ITPK1: variants seen among roughly 807,000 people sequenced by gnomAD.
ITPK1 encodes the protein inositol-tetrakisphosphate 1-kinase, also known as inositol 1,3,4-trisphosphate 5/6-kinase.
A neutral mutation model predicts 45.3 loss-of-function variants in ITPK1; 21 were observed. The observed-to-expected ratio is 0.46, with a 90% confidence interval of 0.33 to 0.67. The LOEUF (loss-of-function observed/expected upper bound fraction) is 0.67, where lower values mean the gene tolerates loss of function less well. ITPK1 is among the 30% of genes least tolerant of loss of function. The probability of loss-of-function intolerance (pLI) is 0.02; values close to 1 mark genes in which losing one functional copy is unlikely to be tolerated. For synonymous variants in ITPK1, 258 were observed against 253.6 expected (o/e 1.02, Z -0.16); for missense variants, 474 against 573.5 (o/e 0.83, Z 1.77).
rs1008859514 is a variant in ITPK1, at chr14:92,937,772, G to C, written c.*3789C>G. 5 of 152,592 alleles carry C rather than the reference G, an allele frequency of 3.3e-5. No homozygotes were observed. Among genetic ancestry groups the C allele is most frequent in the African/African-American group, 1.2e-4 (5 of 41,472 alleles). The allele number at this position is 152,592 out of a possible 1,614,324, so 9.5% of individuals were successfully genotyped here. A position where few individuals can be genotyped will look rare whatever the true frequency, so the allele number is the denominator to read the frequency against. On this transcript the variant is annotated 3_prime_UTR_variant, in exon 11 of 11. Transcript: ENST00000267615. ...GGTGTGGCCAGGCTGGCCTGAGGCA[G>C]CAGAGGCTGGGCCTTTGTCAAGGAC...
At chr14:92,973,908 C>T (rs566141759) in intron 5 of ITPK1, among the ~76,000 whole-genome samples, 3 of 152,232 alleles carry the variant, frequency 2.0e-5, no homozygotes, top group African/African-American at 7.2e-5. Context: ...GTCCTGTCCA[C>T]GTGGCCTGGC....
At chr14:93,108,531 T>C (rs2140035582) in intron 2 of ITPK1, among the ~76,000 whole-genome samples, 1 of 152,360 alleles carries the variant, frequency 6.6e-6, no homozygotes, top group Admixed American at 6.5e-5. Context: ...TCCAGGTGCC[T>C]GCAGTCAGCC....
intron 3 of ITPK1, among the ~76,000 whole-genome samples, chr14:93,047,345 A>C (rs2139922878): frequency 6.6e-6 from 1 of 152,378 alleles, no homozygotes; most frequent in East Asian, 1.9e-4. Flanking sequence ...TTGTCCCCCA[A>C]CAAGATAAGC....
rs534658375 is a variant in ITPK1 at position 92,982,603 on chromosome 14, C to T, written c.364+11277G>A. Among the ~76,000 whole-genome samples the T allele has an allele frequency of 1.1e-3, 163 of 152,290 alleles. 1 individual carries two copies. The highest frequency in any genetic ancestry group is 2.3e-3 in the South Asian group (11 of 4,812). On this transcript the variant is annotated intron_variant, in intron 5 of 10. Transcript: ENST00000267615. ...CCCTGCGGACACCTTGATTTCAGCCCGTGACACCCTGGGCCAAGAGCCCAA... is the reference window on the plus strand; with the variant it reads ...CCCTGCGGACACCTTGATTTCAGCCTGTGACACCCTGGGCCAAGAGCCCAA...
chr14:93,015,068 A>G (rs1888109447), intron 4 of ITPK1, among the ~76,000 whole-genome samples: 1 of 152,172 alleles, frequency 6.6e-6, no homozygotes, highest in Non-Finnish European at 1.5e-5. Flanking sequence ...GGCAGGAGCA[A>G]ATGGCTCAGG....
intron 5 of ITPK1, among the ~76,000 whole-genome samples, chr14:92,976,737 T>C (rs529230345): frequency 5.4e-4 from 82 of 152,282 alleles, no homozygotes; most frequent in African/African-American, 1.7e-3. Context: ...ACCACTCCAT[T>C]TTGCATGTGA....
chr14:92,987,110 G>A (rs116573877), intron 5 of ITPK1, among the ~76,000 whole-genome samples: 1,551 of 152,326 alleles, frequency 0.01, 33 homozygotes, highest in African/African-American at 0.036. Context: ...CCAGGCTCCC[G>A]GGCCACTGTC....
At chr14:93,013,348 C>T (rs1888011061) in intron 4 of ITPK1, among the ~76,000 whole-genome samples, 1 of 152,204 alleles carries the variant, frequency 6.6e-6, no homozygotes, top group East Asian at 1.9e-4. Context: ...GGTTCTGTGA[C>T]AAGCAGCTTT....
chr14:93,017,020 C>T (rs955549327), intron 3 of ITPK1, among the ~76,000 whole-genome samples: 12 of 152,150 alleles, frequency 7.9e-5, no homozygotes, highest in African/African-American at 2.9e-4. Context: ...GCTAACTCCT[C>T]AAGGGCACAC....
rs143903141 is a variant in ITPK1 at position 92,976,962 on chromosome 14, G to T, written c.365-14113C>A. 1.5e-3 allele frequency among the ~76,000 whole-genome samples: 230 copies of T among 152,356 alleles called. 7 individuals carry two copies. The East Asian group carries it at 0.039, about 26-fold the overall frequency. On this transcript the variant is annotated intron_variant, in intron 5 of 10. Transcript: ENST00000267615. ...AGGAAACAGAGGCACTGGGCCAGCT[G>T]TGCTTCCCAAACACTGTAGCCAGTC...
At chr14:92,966,683 A>C (rs1343375015) in intron 5 of ITPK1, among the ~76,000 whole-genome samples, 1 of 152,244 alleles carries the variant, frequency 6.6e-6, no homozygotes, top group Non-Finnish European at 1.5e-5. Flanking sequence ...CACTTCCTCA[A>C]TACGAAACTT....
chr14:93,089,604 T>G (rs753307819), intron 2 of ITPK1, among the ~76,000 whole-genome samples: 2 of 152,098 alleles, frequency 1.3e-5, no homozygotes, highest in Non-Finnish European at 2.9e-5. Context: ...GTTCCACCAA[T>G]GAGACAGAAA....
chr14:93,014,382 G>A lies in ITPK1; in HGVS notation c.246+2294C>T, dbSNP rs564446965. On this transcript the variant is annotated intron_variant, in intron 4 of 10. Coordinates refer to ENST00000267615, the MANE Select transcript of ITPK1 (RefSeq NM_014216.6). This position sits in a 1 kb window ranked among gnomAD's most constrained non-coding sequence, Gnocchi z 4.4. ...GGGCTGTGTGTGTGTCTGGGAAGTG[G>A]GCAAGAGGGATAAGAGCTTGGGAGC... Among the ~76,000 whole-genome samples, 5 of 152,298 alleles carry A rather than the reference G, an allele frequency of 3.3e-5. No individual in the cohort carries two copies. The highest frequency in any genetic ancestry group is 2.1e-4 in the South Asian group (1 of 4,820).
rs1433928413 is a variant in ITPK1 at position 92,991,021 on chromosome 14, C to T, written c.364+2859G>A. Among the ~76,000 whole-genome samples the T allele has an allele frequency of 9.3e-5, 14 of 150,124 alleles. No homozygotes were observed. In the Admixed American group the frequency reaches 9.3e-4, roughly 10 times the overall value. Reference sequence around the variant, plus strand: ...CTTACTGCCGGGGCAGGGGGGGTGACAACCGGGGCAGGGGGGGTGACAACC... The same window carrying T: ...CTTACTGCCGGGGCAGGGGGGGTGATAACCGGGGCAGGGGGGGTGACAACC... On this transcript the variant is annotated intron_variant, in intron 5 of 10. Coordinates refer to ENST00000267615, the MANE Select transcript of ITPK1 (RefSeq NM_014216.6).
intron 3 of ITPK1, among the ~76,000 whole-genome samples, chr14:93,051,672 A>C (rs1179335821): frequency 6.6e-6 from 1 of 151,972 alleles, no homozygotes; most frequent in East Asian, 1.9e-4. Context: ...TGAGCAACTC[A>C]TCCCCCTTGA....
chr14:92,970,280 C>T (rs568360096), intron 5 of ITPK1, among the ~76,000 whole-genome samples: 1 of 152,342 alleles, frequency 6.6e-6, no homozygotes, highest in African/African-American at 2.4e-5. Flanking sequence ...CACGACTTAA[C>T]TCTGCTGAGC....
At chr14:93,087,575 T>C (rs1891698594) in intron 2 of ITPK1, among the ~76,000 whole-genome samples, 1 of 152,224 alleles carries the variant, frequency 6.6e-6, no homozygotes, top group Non-Finnish European at 1.5e-5. Context: ...CATACCCTTT[T>C]ACCATGTAAG....
At chr14:93,000,373 A>G (rs1206785177) in intron 4 of ITPK1, among the ~76,000 whole-genome samples, 3 of 152,222 alleles carry the variant, frequency 2.0e-5, no homozygotes, top group African/African-American at 4.8e-5. Context: ...TTTCTGGTTC[A>G]ACAAGGGCAG....
chr14:93,111,011 TCATCCCTCATCCCTC>T (rs200416268), intron 2 of ITPK1, among the ~76,000 whole-genome samples: 48 of 143,242 alleles, frequency 3.4e-4, no homozygotes, highest in South Asian at 9.2e-4. Flanking sequence ...TCCTCATCCC[TCATCCCTCATCCCTC>T]CATCCCTCAT....
Sources: allele counts gnomAD v4.1 joint callset (sites outside exome capture counted in the v4.1 genomes callset), GRCh38; gene constraint gnomAD v4.1.1; non-coding constraint Gnocchi (gnomAD v3.1); transcripts MANE v1.5; gene names NCBI Gene and HGNC (gene_info 2026-07-23, HGNC 2026-07-21).